Variants in HS1BP3 observed in about 807,000 individuals in gnomAD.
The protein encoded by HS1BP3 is HCLS1-binding protein 3.
HS1BP3 carries 32 observed loss-of-function variants against 33.5 expected under a neutral mutation model. The observed-to-expected ratio is 0.95, with a 90% CI of 0.72 to 1.28. HS1BP3 has a LOEUF of 1.28. Ranked by LOEUF, HS1BP3 falls within the 50% of genes most tolerant of loss-of-function variation. HS1BP3 has a pLI of 0.00. For missense variants in HS1BP3, 486 were observed against 502.3 expected, an observed-to-expected ratio of 0.97 and a Z score of 0.31; for synonymous variants, 187 against 209.2, an observed-to-expected ratio of 0.89 and a Z score of 0.92.
intron 4 of HS1BP3, among the ~76,000 whole-genome samples, chr2:20,626,063 TGAG>T (rs747184400): frequency 4.6e-5 from 7 of 152,294 alleles, no homozygotes; most frequent in South Asian, 2.1e-4. Flanking sequence ...GGTCACTATG[TGAG>T]GTCACCATCT....
intron 1 of HS1BP3, among the ~76,000 whole-genome samples, chr2:20,649,169 C>T (rs139029679): frequency 6.6e-6 from 1 of 152,332 alleles, no homozygotes; most frequent in Admixed American, 6.5e-5. Context: ...GATGGCCCCT[C>T]CACAGCCTTC....
intron 4 of HS1BP3, among the ~76,000 whole-genome samples, chr2:20,634,133 G>C (rs1695049309): frequency 6.6e-6 from 1 of 152,274 alleles, no homozygotes; most frequent in South Asian, 2.1e-4. Flanking sequence ...AGTTGCTGGG[G>C]AGCAGACAGT....
chr2:20,579,605 C>T (rs1432880283), intron 5 of HS1BP3, among the ~76,000 whole-genome samples: 1 of 152,218 alleles, frequency 6.6e-6, no homozygotes, highest in Non-Finnish European at 1.5e-5. Context: ...TCTCCCTAGT[C>T]CTCCATAACC....
intron 4 of HS1BP3, chr2:20,637,337 TAAG>T (rs1289284853): frequency 6.6e-6 from 1 of 152,172 alleles, no homozygotes; most frequent in Non-Finnish European, 1.5e-5. Context: ...GCCAGGCTGA[TAAG>T]GAGTGACTAT....
At chr2:20,590,096 C>G (rs1029372677), downstream of HS1BP3, among the ~76,000 whole-genome samples, 2 of 152,168 alleles carry the variant, frequency 1.3e-5, no homozygotes, top group African/African-American at 2.4e-5. Flanking sequence ...TCAGGCTGCC[C>G]GTGCTGGAGT....
intron 3 of HS1BP3, among the ~76,000 whole-genome samples, chr2:20,638,920 A>G (rs1021349081): frequency 1.3e-5 from 2 of 152,220 alleles, no homozygotes; most frequent in Non-Finnish European, 2.9e-5. Flanking sequence ...AGTGGTCACA[A>G]GTGGGAGCTT....
At chr2:20,642,935 A>G (rs1361723338) in intron 2 of HS1BP3, among the ~76,000 whole-genome samples, 2 of 152,078 alleles carry the variant, frequency 1.3e-5, no homozygotes, top group Non-Finnish European at 2.9e-5. Context: ...AGCCTGCACA[A>G]CCTCCACTGC....
At chr2:20,586,148 C>T (rs1693675332) in intron 5 of HS1BP3, 1 of 152,262 alleles carries the variant, frequency 6.6e-6, no homozygotes, top group African/African-American at 2.4e-5. Flanking sequence ...CCTCAAGGCA[C>T]CTCCTCCTCC....
intron 5 of HS1BP3, among the ~76,000 whole-genome samples, chr2:20,571,035 G>C (rs138851880): frequency 6.6e-6 from 1 of 152,222 alleles, no homozygotes; most frequent in Non-Finnish European, 1.5e-5. Context: ...TGACAGGGCA[G>C]TGAGGACACT....
intron 5 of HS1BP3, 80 bp from the exon 6 acceptor site, chr2:20,624,111 C>G: frequency 1.3e-6 from 2 of 1,520,716 alleles, no homozygotes; most frequent in Non-Finnish European, 1.8e-6. Context: ...TGCCCCACCC[C>G]AGGAAGTCTT....
At chr2:20,642,469 A>G (rs557003442) in intron 2 of HS1BP3, among the ~76,000 whole-genome samples, 110 of 152,324 alleles carry the variant, frequency 7.2e-4, no homozygotes, top group African/African-American at 2.5e-3. Flanking sequence ...GCCCTCAGGG[A>G]AAGGCACACG....
At chr2:20,557,404 TCTG>T (rs1692866117), downstream of HS1BP3, among the ~76,000 whole-genome samples, 3 of 152,238 alleles carry the variant, frequency 2.0e-5, no homozygotes. Context: ...CTATGGAGAC[TCTG>T]CTGCTGATCT....
intron 5 of HS1BP3, 150 bp from the exon 6 acceptor site, chr2:20,624,181 G>A (rs1270106425): frequency 2.9e-6 from 3 of 1,049,904 alleles, no homozygotes; most frequent in Non-Finnish European, 4.0e-6. Context: ...GTGCTGCTTT[G>A]TAACTGTCAG....
chr2:20,606,603 T>C, intron 2 of HS1BP3: 1 of 487,138 alleles, frequency 2.1e-6, no homozygotes, highest in Non-Finnish European at 4.1e-6. Flanking sequence ...TCTTTGTCTT[T>C]CCTGGCCAAC....
rs780914810 is a variant in HS1BP3, at chr2:20,624,759, G to T, written c.757C>A (p.Pro253Thr). 1 of 1,608,214 alleles carries T rather than the reference G, an allele frequency of 6.2e-7. No individual in the cohort carries two copies. The highest frequency in any genetic ancestry group is 1.3e-5 in the African/African-American group (1 of 74,818). ...GPGRKLSPQD[P>T]SEDVSSVDPL... ...TCCACGGATGACACGTCCTCCGAGG[G>T]GTCCTGTGGAGACAGCTTCCTGCCC... Residue 253 changes from proline (P) to threonine (T), a missense_variant, in exon 5 of 7, where the codon CCC becomes ACC. Pro to Thr is a conservative substitution (Grantham distance 38). Coordinates refer to ENST00000304031, the MANE Select transcript of HS1BP3 (RefSeq NM_022460.4).
chr2:20,578,867 G>A (rs1028046553), intron 5 of HS1BP3, among the ~76,000 whole-genome samples: 4 of 152,190 alleles, frequency 2.6e-5, no homozygotes, highest in African/African-American at 9.7e-5. Flanking sequence ...CCAGTGGGGT[G>A]TACATGAAAC....
rs1458066141 is a variant in HS1BP3, at chr2:20,641,014, T to C, written c.365A>G (p.Asp122Gly). Residue 122 changes from aspartate (D) to glycine (G), a missense_variant, in exon 3 of 7, where the codon GAT (aspartate) becomes GGT (glycine). Coordinates refer to ENST00000304031, the MANE Select transcript of HS1BP3 (RefSeq NM_022460.4). ...FNEILRCVSKDAELAGSPELL... is the reference protein window; with the variant it reads ...FNEILRCVSKGAELAGSPELL... Reference sequence around the variant, plus strand: ...CTCTGGGCTGCCTGCCAACTCGGCATCCTTGGAGACACAGCGCAGGATCTC... The same window carrying C: ...CTCTGGGCTGCCTGCCAACTCGGCACCCTTGGAGACACAGCGCAGGATCTC... 5.0e-6 allele frequency: 8 copies of C among 1,614,154 alleles called. No homozygotes were observed. Among genetic ancestry groups the C allele is most frequent in the Non-Finnish European group, 5.9e-6 (7 of 1,180,020 alleles).
At chr2:20,589,056 G>A (rs1693749459), downstream of HS1BP3, among the ~76,000 whole-genome samples, 1 of 152,196 alleles carries the variant, frequency 6.6e-6, no homozygotes, top group South Asian at 2.1e-4. Flanking sequence ...TTCCATCTGG[G>A]CATCAAACTG....
chr2:20,636,036 A>G (rs1695116637), intron 4 of HS1BP3: 2 of 152,198 alleles, frequency 1.3e-5, no homozygotes, highest in Admixed American at 1.3e-4. Context: ...GTTGCATGGA[A>G]ATGGTGGCCG....
Sources: gnomAD v4.1 joint callset for allele counts (sites outside exome capture counted in the v4.1 genomes callset) on GRCh38, gnomAD v4.1.1 for gene constraint, MANE v1.5 for transcripts, NCBI Gene and HGNC (gene_info 2026-07-23, HGNC 2026-07-21) for gene names.